Variants in PAFAH1B1 observed in about 807,000 individuals in gnomAD.
PAFAH1B1 encodes platelet-activating factor acetylhydrolase IB subunit beta.
Under a neutral mutation model 57.5 loss-of-function variants are expected in PAFAH1B1, and 2 were observed. The observed-to-expected ratio is 0.03, with a 90% CI of 0.01 to 0.11. PAFAH1B1 has a LOEUF of 0.11. PAFAH1B1 is among the 10% of genes least tolerant of loss of function. The pLI, the probability that PAFAH1B1 is intolerant of heterozygous loss-of-function variation, is 1.00. For synonymous variants in PAFAH1B1, 152 were observed against 169.6 expected, an observed-to-expected ratio of 0.90 and a Z score of 0.81; for missense variants, 257 against 512.0, an observed-to-expected ratio of 0.50 and a Z score of 4.81.
In PAFAH1B1 at chr17:2,593,674, G is replaced by T; in HGVS notation, c.-523G>T. Reference sequence around the variant, plus strand: ...GTGACAGACGGAGCTGGAGCGGCGGGGCGGCGGCGGAGTCCGGCGGCCGGG... The same window carrying T: ...GTGACAGACGGAGCTGGAGCGGCGGTGCGGCGGCGGAGTCCGGCGGCCGGG... On this transcript the variant is annotated 5_prime_UTR_variant, in exon 1 of 11. Coordinates refer to ENST00000397195, the MANE Select transcript of PAFAH1B1 (RefSeq NM_000430.4). 1 of 291,408 alleles carries T rather than the reference G, an allele frequency of 3.4e-6. No homozygotes were observed. Among genetic ancestry groups the T allele is most frequent in the Non-Finnish European group, 6.2e-6 (1 of 161,224 alleles). 18.1% of individuals were successfully genotyped at this position (291,408 alleles called of 1,614,324 possible).
At chr17:2,651,913 A>G (rs1485284443) in intron 2 of PAFAH1B1, among the ~76,000 whole-genome samples, 1 of 152,192 alleles carries the variant, frequency 6.6e-6, no homozygotes, top group Non-Finnish European at 1.5e-5. Context: ...GTTGGTTTTG[A>G]CAAATGCCTA....
intron 1 of PAFAH1B1, 27 bp from the exon 2 acceptor site, chr17:2,638,072 C>A: frequency 2.1e-6 from 1 of 480,930 alleles, no homozygotes; most frequent in Non-Finnish European, 3.7e-6. Flanking sequence ...GTGAAATAAT[C>A]TTTTTTTTTC....
At position 2,667,192 on chromosome 17, in the gene PAFAH1B1, A is replaced by G. The variant is rs1348179795; in HGVS notation, c.393A>G (p.Thr131=). The part of the protein sequence containing the change: ...SVMVSASEDA[T]IKVWDYETGD... ...TGGTCTCTGCTTCAGAGGATGCTAC[A>G]ATTAAGGTAATTTTTTGTTAAAAGC... Residue 131 remains threonine, a synonymous_variant, in exon 5 of 11, where the codon ACA becomes ACG. Transcript: ENST00000397195. 6.2e-7 allele frequency: 1 copy of G among 1,612,222 alleles called. No homozygotes were observed. The highest frequency in any genetic ancestry group is 1.7e-5 in the Admixed American group (1 of 59,994).
Position 2,640,148 on chromosome 17 carries a change from ATAAACT to A in PAFAH1B1, c.32+1832_32+1837del, listed in dbSNP as rs1327326275. 5.3e-5 allele frequency: 8 copies of A among 152,324 alleles called. No individual in the cohort carries two copies. In the East Asian group the frequency reaches 1.3e-3, roughly 26 times the overall value. 9.4% of individuals were successfully genotyped at this position (152,324 alleles called of 1,614,324 possible). A position where few individuals can be genotyped will look rare whatever the true frequency, so the allele number is the denominator to read the frequency against. On this transcript the variant is annotated intron_variant, in intron 2 of 10. Transcript: ENST00000397195. ...ATCAAAGAAATACCTTTTCCCACAA[ATAAACT>A]TAAGTAGTTCCCCAAAATAAGGATA...
At chr17:2,664,762 T>C (rs1378799747) in intron 2 of PAFAH1B1, among the ~76,000 whole-genome samples, 2 of 151,770 alleles carry the variant, frequency 1.3e-5, no homozygotes, top group Non-Finnish European at 2.9e-5. Flanking sequence ...GTACTCAAAC[T>C]GTAGAAGGCA....
intron 5 of PAFAH1B1, 125 bp downstream of exon 5, chr17:2,667,323 C>T (rs2069119648): frequency 3.0e-6 from 2 of 675,824 alleles, no homozygotes; most frequent in South Asian, 1.6e-5. Context: ...GACAGAGCCA[C>T]ACTCTGTCTC....
chr17:2,648,141 G>A (rs1161711649), intron 2 of PAFAH1B1, among the ~76,000 whole-genome samples: 2 of 152,176 alleles, frequency 1.3e-5, no homozygotes, highest in African/African-American at 4.8e-5. Flanking sequence ...GCAGAAAGGA[G>A]AAGAATGAGA....
chr17:2,638,226 CTT>C lies in PAFAH1B1; in HGVS notation c.-59_-58del, dbSNP rs559372247. 1.9e-5 allele frequency: 27 copies of C among 1,407,510 alleles called. No homozygotes were observed. Among genetic ancestry groups the C allele is most frequent in the Non-Finnish European group, 2.4e-5 (24 of 997,438 alleles). The allele number at this position is 1,407,510 out of a possible 1,614,324, so 87.2% of individuals were successfully genotyped here. The stretch of plus-strand genomic sequence containing the variant: ...AATTATAAGTCCACGGATCAAAAAG[CTT>C]TTTGATTTCCCAAAGGAGGGACATA... On this transcript the variant is annotated 5_prime_UTR_variant, in exon 2 of 11. Transcript: ENST00000397195.
chr17:2,595,297 T>C (rs756738069), intron 1 of PAFAH1B1, among the ~76,000 whole-genome samples: 5 of 151,994 alleles, frequency 3.3e-5, no homozygotes, highest in Non-Finnish European at 7.4e-5. Flanking sequence ...GCAATTCTGT[T>C]TTTGTTGGGG....
At chr17:2,644,546 AAAAT>A (rs1037327995) in intron 2 of PAFAH1B1, among the ~76,000 whole-genome samples, 2 of 152,132 alleles carry the variant, frequency 1.3e-5, no homozygotes, top group African/African-American at 2.4e-5. Flanking sequence ...TCCATCTCAA[AAAAT>A]AAATAAATAA....
chr17:2,672,611 T>TG, intron 6 of PAFAH1B1, 44 bp from the exon 7 acceptor site: 1 of 1,261,868 alleles, frequency 7.9e-7, no homozygotes, highest in Non-Finnish European at 1.2e-6. Flanking sequence ...TCATTGCTCT[T>TG]GGTGGTATAT....
At chr17:2,643,496 T>TG (rs1356407910) in intron 2 of PAFAH1B1, among the ~76,000 whole-genome samples, 1 of 151,890 alleles carries the variant, frequency 6.6e-6, no homozygotes, top group Non-Finnish European at 1.5e-5. Flanking sequence ...GCTCAGGTGA[T>TG]GCTTGCACCT....
chr17:2,607,760 A>G (rs554296566), intron 1 of PAFAH1B1, among the ~76,000 whole-genome samples: 2 of 152,290 alleles, frequency 1.3e-5, no homozygotes, highest in African/African-American at 4.8e-5. Flanking sequence ...TTCTGGGATT[A>G]CAGGTGTGAA....
At chr17:2,609,251 C>A (rs965315432) in intron 1 of PAFAH1B1, among the ~76,000 whole-genome samples, 1 of 152,154 alleles carries the variant, frequency 6.6e-6, no homozygotes, top group Non-Finnish European at 1.5e-5. Context: ...CTCAAGTGAT[C>A]CCCCTGCCTC....
intron 2 of PAFAH1B1, among the ~76,000 whole-genome samples, chr17:2,653,931 C>T (rs1204486196): frequency 1.3e-5 from 2 of 152,140 alleles, no homozygotes; most frequent in African/African-American, 2.4e-5. Context: ...GCCTCAGCCT[C>T]CCAAGTAGCT....
chr17:2,678,003 T>A (rs1037559661), intron 9 of PAFAH1B1, among the ~76,000 whole-genome samples: 3 of 151,978 alleles, frequency 2.0e-5, no homozygotes, highest in Admixed American at 1.3e-4. Context: ...ACTCCTGCAA[T>A]CCCAGCACTT....
intron 2 of PAFAH1B1, among the ~76,000 whole-genome samples, chr17:2,660,001 G>A (rs542033387): frequency 7.2e-5 from 11 of 152,232 alleles, no homozygotes; most frequent in Middle Eastern, 3.4e-3. Flanking sequence ...AGTATAGCCC[G>A]GGGTGGTGTG....
intron 1 of PAFAH1B1, chr17:2,635,610 TC>T (rs1205722830): frequency 6.6e-6 from 1 of 152,192 alleles, no homozygotes; most frequent in Non-Finnish European, 1.5e-5. Flanking sequence ...AAGCAATCCT[TC>T]CACCTCAGCC....
chr17:2,648,694 G>A (rs1440022583), intron 2 of PAFAH1B1, among the ~76,000 whole-genome samples: 12 of 135,574 alleles, frequency 8.9e-5, no homozygotes, highest in African/African-American at 2.2e-4. Flanking sequence ...AAAAAAAAAA[G>A]TGAAACACCA....
Sources: gnomAD v4.1 joint callset for allele counts (sites outside exome capture counted in the v4.1 genomes callset) on GRCh38, gnomAD v4.1.1 for gene constraint, MANE v1.5 for transcripts, NCBI Gene and HGNC (gene_info 2026-07-23, HGNC 2026-07-21) for gene names.